SIPA1L2: variants seen among roughly 807,000 people sequenced by gnomAD.
SIPA1L2 encodes the protein signal induced proliferation associated 1 like 2.
In SIPA1L2, 56 loss-of-function variants were observed where a neutral mutation model predicts 163.9. That is an observed-to-expected ratio of 0.34 (90% CI 0.28 to 0.43). SIPA1L2 has a LOEUF of 0.43. Among genes scored for constraint, SIPA1L2 ranks in the 20% least tolerant of loss-of-function variants. The pLI, the probability that SIPA1L2 is intolerant of heterozygous loss-of-function variation, is 1.00. For missense variants in SIPA1L2, 1,974 were observed against 2,193.5 expected, an observed-to-expected ratio of 0.90 and a Z score of 2.00; for synonymous variants, 877 against 865.7, an observed-to-expected ratio of 1.01 and a Z score of -0.23.
At chr1:232,540,099 T>C (rs1657554636) in intron 2 of SIPA1L2, among the ~76,000 whole-genome samples, 2 of 151,482 alleles carry the variant, frequency 1.3e-5, no homozygotes, top group African/African-American at 4.9e-5. Context: ...AGGTCAGGAG[T>C]TCGAAACCAG....
rs188476580 is a variant in SIPA1L2 at position 232,447,892 on chromosome 1, T to C, written c.3096-2106A>G. Among the ~76,000 whole-genome samples, 25 of 152,342 alleles carry C rather than the reference T, an allele frequency of 1.6e-4. No individual in the cohort carries two copies. In the East Asian group the frequency reaches 4.8e-3, roughly 29 times the overall value. On this transcript the variant is annotated intron_variant, in intron 10 of 22. Coordinates refer to ENST00000674635, the MANE Select transcript of SIPA1L2 (RefSeq NM_020808.5). ...TATAAGCTGAACAGATATTTTAAACTATAGTTATATTAATATAATCAGGAA... is the reference window on the plus strand; with the variant it reads ...TATAAGCTGAACAGATATTTTAAACCATAGTTATATTAATATAATCAGGAA...
chr1:232,547,462 G>GAGAATCACAGGGGC lies in SIPA1L2; in HGVS notation c.-270+26698_-270+26711dup, dbSNP rs1207166262. On this transcript the variant is annotated intron_variant, in intron 2 of 22. Coordinates refer to ENST00000674635, the MANE Select transcript of SIPA1L2 (RefSeq NM_020808.5). The stretch of plus-strand genomic sequence containing the variant: ...AGGTTTCATTCTATTCAAGCAAATG[G>GAGAATCACAGGGGC]AGAATCACAGGGGCAGAATCACAGG... 2.0e-5 allele frequency among the ~76,000 whole-genome samples: 3 copies of GAGAATCACAGGGGC among 151,518 alleles called. No individual in the cohort carries two copies. In the East Asian group the frequency reaches 5.8e-4, roughly 29 times the overall value.
intron 9 of SIPA1L2, among the ~76,000 whole-genome samples, chr1:232,464,608 G>A (rs1179619185): frequency 6.6e-6 from 1 of 152,058 alleles, no homozygotes; most frequent in Non-Finnish European, 1.5e-5. Flanking sequence ...TCTTTTGCAG[G>A]TTGGCTTAAC....
intron 18 of SIPA1L2, among the ~76,000 whole-genome samples, chr1:232,424,619 G>A (rs1661780613): frequency 6.6e-6 from 1 of 152,100 alleles, no homozygotes; most frequent in South Asian, 2.1e-4. Flanking sequence ...GCGTTTAAAG[G>A]TTTCTTCAAT....
intron 1 of SIPA1L2, among the ~76,000 whole-genome samples, chr1:232,612,869 G>C (rs1221102983): frequency 3.3e-5 from 5 of 151,136 alleles, no homozygotes; most frequent in African/African-American, 1.2e-4. Context: ...GCAATGATAT[G>C]GTTTAGTTCT....
chr1:232,573,990 T>C (rs1314555406), intron 2 of SIPA1L2, among the ~76,000 whole-genome samples, 184 bp downstream of exon 2: 1 of 152,098 alleles, frequency 6.6e-6, no homozygotes, highest in Non-Finnish European at 1.5e-5. Context: ...AAAATTCAAA[T>C]GAGCTTTCTT....
At chr1:232,599,208 AAAAC>A (rs1246862324) in intron 1 of SIPA1L2, among the ~76,000 whole-genome samples, 8 of 152,240 alleles carry the variant, frequency 5.3e-5, no homozygotes, top group African/African-American at 1.7e-4. Context: ...CATATTTAAA[AAAAC>A]AAACAAACAG....
intron 3 of SIPA1L2, among the ~76,000 whole-genome samples, chr1:232,501,672 A>T (rs1309846161): frequency 1.3e-5 from 2 of 152,226 alleles, no homozygotes; most frequent in African/African-American, 4.8e-5. Flanking sequence ...GAGAGGGGCA[A>T]ATAGTAAACT....
intron 1 of SIPA1L2, among the ~76,000 whole-genome samples, chr1:232,579,542 T>C (rs766971067): frequency 6.6e-6 from 1 of 152,240 alleles, no homozygotes; most frequent in East Asian, 1.9e-4. Context: ...AGCAAGTGTC[T>C]GCTGAAGGAA....
intron 2 of SIPA1L2, among the ~76,000 whole-genome samples, chr1:232,528,661 G>A (rs1332173771): frequency 6.6e-6 from 1 of 152,168 alleles, no homozygotes; most frequent in Non-Finnish European, 1.5e-5. Context: ...CATCACTGGT[G>A]AGACCCATGC....
intron 8 of SIPA1L2, among the ~76,000 whole-genome samples, chr1:232,468,219 A>G (rs1366076560): frequency 6.6e-6 from 1 of 152,246 alleles, no homozygotes; most frequent in Non-Finnish European, 1.5e-5. Context: ...GAGAACTTAC[A>G]TCAGAGCTCC....
At chr1:232,437,348 T>A (rs576566735) in intron 15 of SIPA1L2, among the ~76,000 whole-genome samples, 1 of 152,322 alleles carries the variant, frequency 6.6e-6, no homozygotes, top group East Asian at 1.9e-4. Flanking sequence ...TTCCTGAAAT[T>A]AAGCCAGGAA....
rs1660387325 is a variant in SIPA1L2 at position 232,402,256 on chromosome 1, G to C, written c.5022+136C>G. 2 of 633,792 alleles carry C rather than the reference G, an allele frequency of 3.2e-6. 1 individual carries two copies. 39.3% of individuals were successfully genotyped at this position (633,792 alleles called of 1,614,324 possible). A position where few individuals can be genotyped will look rare whatever the true frequency, so the allele number is the denominator to read the frequency against. On this transcript the variant is annotated intron_variant, in intron 22 of 22. Coordinates refer to ENST00000674635, the MANE Select transcript of SIPA1L2 (RefSeq NM_020808.5). ...CAGCAGATGGAGTGAGACCTCAGGA[G>C]CATCTGTTGGTATTTATCATTGGTT...
chr1:232,592,782 C>T (rs1331539043), intron 1 of SIPA1L2, among the ~76,000 whole-genome samples: 1 of 149,150 alleles, frequency 6.7e-6, no homozygotes, highest in Non-Finnish European at 1.5e-5. Flanking sequence ...TTTCAAGCTT[C>T]AGTTTATCCT....
chr1:232,484,091 G>A, intron 5 of SIPA1L2, 125 bp from the exon 6 acceptor site: 1 of 866,868 alleles, frequency 1.2e-6, no homozygotes, highest in Non-Finnish European at 1.7e-6. Flanking sequence ...TCCCATAAGT[G>A]AATAAGCAAA....
At chr1:232,425,969 G>A (rs774022045) in intron 17 of SIPA1L2, among the ~76,000 whole-genome samples, 161 bp from the exon 18 acceptor site, 1 of 152,140 alleles carries the variant, frequency 6.6e-6, no homozygotes, top group Admixed American at 6.5e-5. Context: ...GGGGATCAAG[G>A]CAAATACACC....
chr1:232,583,063 T>A (rs1188354188), intron 1 of SIPA1L2, among the ~76,000 whole-genome samples: 1 of 152,244 alleles, frequency 6.6e-6, no homozygotes, highest in Non-Finnish European at 1.5e-5. Flanking sequence ...TCCAGCTTCT[T>A]GTCCTGGTGC....
chr1:232,619,892 G>C (rs756389641), intron 1 of SIPA1L2, among the ~76,000 whole-genome samples: 3 of 143,016 alleles, frequency 2.1e-5, no homozygotes, highest in Admixed American at 1.4e-4. Flanking sequence ...GCTCCAAATA[G>C]ATTTTTTTTT....
chr1:232,499,988 T>A (rs1666383708), intron 3 of SIPA1L2, among the ~76,000 whole-genome samples: 1 of 152,214 alleles, frequency 6.6e-6, no homozygotes, highest in Non-Finnish European at 1.5e-5. Flanking sequence ...CTGACTTTTT[T>A]TTTTTTTGAG....
Sources: gnomAD v4.1 joint callset for allele counts (sites outside exome capture counted in the v4.1 genomes callset) on GRCh38, gnomAD v4.1.1 for gene constraint, MANE v1.5 for transcripts, NCBI Gene and HGNC (gene_info 2026-07-23, HGNC 2026-07-21) for gene names.